Variants in RPTOR observed in about 807,000 individuals in gnomAD.
RPTOR encodes regulatory-associated protein of mTOR.
In RPTOR, 21 loss-of-function variants were observed where a neutral mutation model predicts 169.9. The observed-to-expected ratio is 0.12, with a 90% CI of 0.09 to 0.18. RPTOR has a LOEUF of 0.18. Among genes scored for constraint, RPTOR ranks in the 10% least tolerant of loss-of-function variants. The pLI, the probability that RPTOR is intolerant of heterozygous loss-of-function variation, is 1.00. For missense variants in RPTOR, 1,133 were observed against 1,855.9 expected (o/e 0.61, Z 7.16); for synonymous variants, 732 against 753.2 (o/e 0.97, Z 0.46).
intron 7 of RPTOR, among the ~76,000 whole-genome samples, chr17:80,814,930 C>A (rs769218306): frequency 6.6e-6 from 1 of 152,074 alleles, no homozygotes; most frequent in Non-Finnish European, 1.5e-5. Flanking sequence ...CGGACTTGAG[C>A]CAAATGATAA....
At chr17:80,835,588 CTG>C (rs1246899987) in intron 9 of RPTOR, among the ~76,000 whole-genome samples, 2 of 152,206 alleles carry the variant, frequency 1.3e-5, no homozygotes, top group East Asian at 1.9e-4. Flanking sequence ...ATCCGAAACT[CTG>C]TGAGGGCCAC....
intron 3 of RPTOR, among the ~76,000 whole-genome samples, chr17:80,684,824 T>A (rs996311631): frequency 1.3e-5 from 2 of 152,224 alleles, no homozygotes; most frequent in Non-Finnish European, 2.9e-5. Flanking sequence ...TTTTTGCCAC[T>A]ACACAGCGTG....
At chr17:80,886,406 C>T (rs1393637543) in intron 17 of RPTOR, among the ~76,000 whole-genome samples, 4 of 152,366 alleles carry the variant, frequency 2.6e-5, no homozygotes, top group East Asian at 3.9e-4. Flanking sequence ...GTTGCCATCA[C>T]GTTCTCCTCG....
rs182262604 is a variant in RPTOR at position 80,831,265 on chromosome 17, C to T, written c.1137-6657C>T. On this transcript the variant is annotated intron_variant, in intron 9 of 33. Coordinates refer to ENST00000306801, the MANE Select transcript of RPTOR (RefSeq NM_020761.3). ...GCACTGCCCAGAGACCAGGCCCCAG[C>T]ACTGCCTCCTCTCCATTCCCCACGG... Among the ~76,000 whole-genome samples, 25 of 152,332 alleles carry T rather than the reference C, an allele frequency of 1.6e-4. No individual in the cohort carries two copies. In the East Asian group the frequency reaches 4.4e-3, roughly 27 times the overall value.
intron 3 of RPTOR, among the ~76,000 whole-genome samples, chr17:80,647,698 C>T (rs2065607349): frequency 6.6e-6 from 1 of 152,168 alleles, no homozygotes; most frequent in Non-Finnish European, 1.5e-5. Context: ...GTCTGTCCGT[C>T]GGGCAGGTGT....
At chr17:80,644,360 TAAAGA>T (rs1488998466) in intron 3 of RPTOR, among the ~76,000 whole-genome samples, 3 of 151,874 alleles carry the variant, frequency 2.0e-5, no homozygotes, top group African/African-American at 7.3e-5. Context: ...TTTGTTTGTT[TAAAGA>T]AAAGTGGCTT....
intron 3 of RPTOR, among the ~76,000 whole-genome samples, chr17:80,683,746 C>G (rs890087486): frequency 6.6e-6 from 1 of 152,180 alleles, no homozygotes; most frequent in Non-Finnish European, 1.5e-5. Flanking sequence ...CGCTGCCACC[C>G]TCCAAGCTCA....
intron 20 of RPTOR, among the ~76,000 whole-genome samples, chr17:80,897,583 C>T (rs2068422509): frequency 6.6e-6 from 1 of 152,234 alleles, no homozygotes; most frequent in South Asian, 2.1e-4. Context: ...TTTCTGGGGG[C>T]ACCCAGCGTG....
chr17:80,697,251 G>A (rs1280999827), intron 3 of RPTOR, among the ~76,000 whole-genome samples: 3 of 152,374 alleles, frequency 2.0e-5, no homozygotes, highest in South Asian at 4.1e-4. Context: ...TCAGAATAGG[G>A]GAGGGGCAGG....
rs1284215063 is a variant in RPTOR, at chr17:80,957,773, G to A, written c.3477+43G>A. ...CCCCAAGCCCTGGGCCTGTGGGGCA[G>A]TGTGTGCAGGGCTGGTCCTCGTCAC... On this transcript the variant is annotated intron_variant, in intron 29 of 33. Transcript: ENST00000306801. This position sits in a 1 kb window ranked among gnomAD's most constrained non-coding sequence, Gnocchi z 4.6. 5 of 1,547,184 alleles carry A rather than the reference G, an allele frequency of 3.2e-6. No individual in the cohort carries two copies. In the Admixed American group the frequency reaches 6.7e-5, roughly 21 times the overall value.
Position 80,753,956 on chromosome 17 carries a change from G to T in RPTOR, c.655-54G>T, listed in dbSNP as rs115244519. On this transcript the variant is annotated intron_variant, in intron 5 of 33. Coordinates refer to ENST00000306801, the MANE Select transcript of RPTOR (RefSeq NM_020761.3). ...TGTTACAGCTGCAGCTTACTATTTG[G>T]TTGTGACCAGCAGCTAAATCACACT... 3.9e-3 allele frequency: 5,875 copies of T among 1,487,852 alleles called. 128 individuals carry two copies. In the African/African-American group the frequency reaches 0.054, roughly 14 times the overall value. 92.2% of individuals were successfully genotyped at this position (1,487,852 alleles called of 1,614,324 possible). A position where few individuals can be genotyped will look rare whatever the true frequency, so the allele number is the denominator to read the frequency against.
intron 25 of RPTOR, chr17:80,942,037 AGCATC>A (rs1187204180): frequency 6.6e-6 from 1 of 152,264 alleles, no homozygotes; most frequent in African/African-American, 2.4e-5. Flanking sequence ...CCAGGTTTAA[AGCATC>A]GCATGTTGCA....
At chr17:80,891,918 C>T in intron 18 of RPTOR, 81 bp downstream of exon 18, 2 of 917,998 alleles carry the variant, frequency 2.2e-6, no homozygotes, top group East Asian at 2.4e-5. Flanking sequence ...CTTGCTCACC[C>T]TCGCAGAGTC....
intron 5 of RPTOR, among the ~76,000 whole-genome samples, chr17:80,750,412 T>C (rs1375179884): frequency 6.6e-6 from 1 of 152,162 alleles, no homozygotes; most frequent in African/African-American, 2.4e-5. Flanking sequence ...CCTTCCACAG[T>C]TCAGGACTGT....
At chr17:80,626,637 T>C (rs2065396587) in intron 2 of RPTOR, among the ~76,000 whole-genome samples, 1 of 151,612 alleles carries the variant, frequency 6.6e-6, no homozygotes, top group Non-Finnish European at 1.5e-5. Context: ...CTGAGGAACA[T>C]GAGACATAGA....
chr17:80,943,665 T>C (rs908368176), intron 25 of RPTOR, among the ~76,000 whole-genome samples: 3 of 151,908 alleles, frequency 2.0e-5, no homozygotes, highest in Non-Finnish European at 4.4e-5. Flanking sequence ...AGCCCACCAC[T>C]CCCCACAGGG....
intron 20 of RPTOR, among the ~76,000 whole-genome samples, chr17:80,897,857 C>A (rs774903821): frequency 3.3e-5 from 5 of 152,214 alleles, no homozygotes; most frequent in Non-Finnish European, 7.3e-5. Context: ...CACGCCACTG[C>A]ACTCCAGCCT....
intron 5 of RPTOR, among the ~76,000 whole-genome samples, chr17:80,742,530 A>C (rs1188081035): frequency 6.6e-6 from 1 of 151,990 alleles, no homozygotes; most frequent in African/African-American, 2.4e-5. Context: ...ACATGCACAC[A>C]TGTACACGTA....
At chr17:80,874,224 G>A (rs1307959277) in intron 13 of RPTOR, among the ~76,000 whole-genome samples, 1 of 149,566 alleles carries the variant, frequency 6.7e-6, no homozygotes, top group Non-Finnish European at 1.5e-5. Flanking sequence ...TTTTTAGACA[G>A]TCTTGCTCTG....
Sources: allele counts gnomAD v4.1 joint callset (sites outside exome capture counted in the v4.1 genomes callset), GRCh38; gene constraint gnomAD v4.1.1; non-coding constraint Gnocchi (gnomAD v3.1); transcripts MANE v1.5; gene names NCBI Gene and HGNC (gene_info 2026-07-23, HGNC 2026-07-21).